The following FAM219B variants were observed in gnomAD, a reference collection of about 807,000 sequenced individuals.
FAM219B encodes family with sequence similarity 219 member B, also known as protein FAM219B.
Under a neutral mutation model 19.9 loss-of-function variants are expected in FAM219B, and 18 were observed. The ratio of observed to expected loss-of-function variants is 0.91; its 90% CI spans 0.63 to 1.34. The LOEUF is 1.34. Among genes scored for constraint, FAM219B ranks in the 40% most tolerant of loss-of-function variants. The pLI, the probability that FAM219B is intolerant of heterozygous loss-of-function variation, is 0.00. For missense variants in FAM219B, 283 were observed against 270.5 expected, an observed-to-expected ratio of 1.05 and a Z score of -0.32; for synonymous variants, 123 against 117.5, an observed-to-expected ratio of 1.05 and a Z score of -0.30.
In FAM219B at chr15:74,900,830, C is replaced by T. The variant is rs2064924707; in HGVS notation, c.*1789G>A. ...TATCTCTCTGCTGTGATGCTCCTAG[C>T]TAGTAGAGTAAGTCAGCCCCCAGAT... On this transcript the variant is annotated 3_prime_UTR_variant, in exon 5 of 5. Transcript: ENST00000357635. 1 of 152,200 alleles carries T rather than the reference C, an allele frequency of 6.6e-6. No homozygotes were observed. The highest frequency in any genetic ancestry group is 6.5e-5 in the Admixed American group (1 of 15,274). 9.4% of individuals were successfully genotyped at this position (152,200 alleles called of 1,614,324 possible).
chr15:74,901,387 G>A lies in FAM219B; in HGVS notation c.*1232C>T, dbSNP rs2064952497. On this transcript the variant is annotated 3_prime_UTR_variant, in exon 5 of 5. Coordinates refer to ENST00000357635, the MANE Select transcript of FAM219B (RefSeq NM_020447.5). Reference sequence around the variant, plus strand: ...TATAGCAAGATATACTCTCCAATTTGTGGGTAGGGGGTGTCACAGCAGAAA... The same window carrying A: ...TATAGCAAGATATACTCTCCAATTTATGGGTAGGGGGTGTCACAGCAGAAA... The A allele has an allele frequency of 6.6e-6, 1 of 152,198 alleles. No individual in the cohort carries two copies. Among genetic ancestry groups the A allele is most frequent in the South Asian group, 2.1e-4 (1 of 4,834 alleles). 9.4% of individuals were successfully genotyped at this position (152,198 alleles called of 1,614,324 possible). A position where few individuals can be genotyped will look rare whatever the true frequency, so the allele number is the denominator to read the frequency against.
Position 74,901,975 on chromosome 15 carries a change from G to A in FAM219B, c.*644C>T, listed in dbSNP as rs1027502490. 3 of 397,068 alleles carry A rather than the reference G, an allele frequency of 7.6e-6. No individual in the cohort carries two copies. Among genetic ancestry groups the A allele is most frequent in the African/African-American group, 6.2e-5 (3 of 48,746 alleles). The allele number at this position is 397,068 out of a possible 1,614,324, so 24.6% of individuals were successfully genotyped here. ...CCGGACGGTTGGACCAGTTGGGGATGCCCCAGGTCCAGGGATTCTGGAAGC... is the reference window on the plus strand; with the variant it reads ...CCGGACGGTTGGACCAGTTGGGGATACCCCAGGTCCAGGGATTCTGGAAGC... On this transcript the variant is annotated 3_prime_UTR_variant, in exon 5 of 5. Transcript: ENST00000357635.
intron 4 of FAM219B, among the ~76,000 whole-genome samples, chr15:74,903,600 CAAAAAA>C (rs60354993): frequency 2.2e-5 from 1 of 46,138 alleles, no homozygotes; most frequent in African/African-American, 7.6e-5. Flanking sequence ...GACTCTGTCT[CAAAAAA>C]AAAAAAAAAA....
In FAM219B at chr15:74,902,718, G is replaced by C. The variant is rs552779646; in HGVS notation, c.498C>G (p.Asp166Glu). Reference protein sequence around the residue: ...DGYHLDEIPDDEDLDLIPPKP... With the variant: ...DGYHLDEIPDEEDLDLIPPKP... ...TAGGGGGGATGAGGTCCAAGTCCTC[G>C]TCATCTGGAATCTCATCCAGGTGAT... is the stretch of plus-strand genomic sequence containing the variant. The change falls in exon 5 of 5, where the codon GAC (aspartate) becomes GAG (glutamate). Residue 166 changes from aspartate to glutamate, a missense_variant. Transcript: ENST00000357635. The C allele has an allele frequency of 5.0e-6, 8 of 1,612,816 alleles. No individual in the cohort carries two copies. The highest frequency in any genetic ancestry group is 1.6e-4 in the Middle Eastern group (1 of 6,082).
chr15:74,906,442 TC>T, intron 1 of FAM219B, 77 bp from the exon 2 acceptor site: 1 of 1,550,392 alleles, frequency 6.4e-7, no homozygotes, highest in Non-Finnish European at 8.7e-7. Flanking sequence ...GGCCGCTCTT[TC>T]CGAACGGATT....
rs2064944564 is a variant in FAM219B at position 74,901,243 on chromosome 15, G to C, written c.*1376C>G. 1 of 152,370 alleles carries C rather than the reference G, an allele frequency of 6.6e-6. No individual in the cohort carries two copies. The highest frequency in any genetic ancestry group is 1.5e-5 in the Non-Finnish European group (1 of 68,208). 9.4% of individuals were successfully genotyped at this position (152,370 alleles called of 1,614,324 possible). A position where few individuals can be genotyped will look rare whatever the true frequency, so the allele number is the denominator to read the frequency against. ...TGATTACACCACTGCACTCCAGCCT[G>C]GGTGACAGAGACCCTGTCTCCAACA... On this transcript the variant is annotated 3_prime_UTR_variant, in exon 5 of 5. Coordinates refer to ENST00000357635, the MANE Select transcript of FAM219B (RefSeq NM_020447.5).
At chr15:74,899,805 G>A (rs2064881084), downstream of FAM219B, 1 of 152,178 alleles carries the variant, frequency 6.6e-6, no homozygotes, top group Non-Finnish European at 1.5e-5. Flanking sequence ...TGTATTTTTA[G>A]TAGAGACGGG....
At chr15:74,905,004 A>C in intron 3 of FAM219B, 150 bp downstream of exon 3, 3 of 1,547,530 alleles carry the variant, frequency 1.9e-6, no homozygotes, top group Non-Finnish European at 2.6e-6. Context: ...TAACCAAGCC[A>C]TCCTGGGAAG....
At chr15:74,903,502 G>A (rs975842579) in intron 4 of FAM219B, among the ~76,000 whole-genome samples, 1 of 150,268 alleles carries the variant, frequency 6.7e-6, no homozygotes, top group Non-Finnish European at 1.5e-5. Context: ...TCGGGAGGCT[G>A]AGGCAGGAGA....
chr15:74,904,569 G>T, intron 4 of FAM219B, 95 bp downstream of exon 4: 2 of 1,417,316 alleles, frequency 1.4e-6, no homozygotes, highest in Non-Finnish European at 2.0e-6. Context: ...GTCTGGCACA[G>T]TGCTGTGCTC....
rs1161226246 is a variant in FAM219B, at chr15:74,901,775, A to G, written c.*844T>C. The G allele has an allele frequency of 3.3e-5, 8 of 242,612 alleles. No homozygotes were observed. The highest frequency in any genetic ancestry group is 1.3e-4 in the African/African-American group (6 of 45,046). 15.0% of individuals were successfully genotyped at this position (242,612 alleles called of 1,614,324 possible). A position where few individuals can be genotyped will look rare whatever the true frequency, so the allele number is the denominator to read the frequency against. On this transcript the variant is annotated 3_prime_UTR_variant, in exon 5 of 5. Coordinates refer to ENST00000357635, the MANE Select transcript of FAM219B (RefSeq NM_020447.5). ...CTCCCTGTAGCTCCCTCTGCTGGTA[A>G]TAATAAAAACTGCAGGCTTCTGGGG...
intron 2 of FAM219B, chr15:74,906,046 T>C (rs1454319022): frequency 5.6e-6 from 3 of 531,300 alleles, no homozygotes; most frequent in South Asian, 2.4e-5. Context: ...TGATAGTGAA[T>C]GAGCCTGTGC....
chr15:74,898,303 T>C (rs1411397308), downstream of FAM219B: 2 of 181,780 alleles, frequency 1.1e-5, no homozygotes, highest in Non-Finnish European at 2.4e-5. Context: ...CCCTACATGA[T>C]GCCCCAGTTT....
chr15:74,904,711 C>G lies in FAM219B; in HGVS notation c.382G>C (p.Asp128His). The change falls in exon 4 of 5, where the codon GAT (aspartate) becomes CAT (histidine). Residue 128 changes from aspartate (D) to histidine (H), a missense_variant and splice_region_variant. By Grantham distance (81) the Asp-to-His change is moderately conservative. Transcript: ENST00000357635. ...GAGTATCTGGATCCCAGCTCCCCATCACTAGGAGAAGAGGAAAACAGTCAG... is the reference window on the plus strand; with the variant it reads ...GAGTATCTGGATCCCAGCTCCCCATGACTAGGAGAAGAGGAAAACAGTCAG... ...ENLVSLDSDS[D>H]GELGSRYSSG... The G allele has an allele frequency of 6.2e-7, 1 of 1,614,226 alleles. No individual in the cohort carries two copies.
At chr15:74,904,577 C>A (rs2065106578) in intron 4 of FAM219B, 87 bp downstream of exon 4, 1 of 1,476,176 alleles carries the variant, frequency 6.8e-7, no homozygotes, top group Non-Finnish European at 9.5e-7. Flanking sequence ...CAGTGCTGTG[C>A]TCACAGCGGG....
intron 2 of FAM219B, 78 bp from the exon 3 acceptor site, chr15:74,905,309 C>T (rs2065142362): frequency 2.1e-6 from 3 of 1,430,048 alleles, no homozygotes; most frequent in African/African-American, 1.4e-5. Context: ...GAGTCCTCGC[C>T]CTGAAGGAGA....
chr15:74,902,299 A>C lies in FAM219B; in HGVS notation c.*320T>G. 1 of 402,090 alleles carries C rather than the reference A, an allele frequency of 2.5e-6. No individual in the cohort carries two copies. Among genetic ancestry groups the C allele is most frequent in the East Asian group, 3.6e-5 (1 of 28,162 alleles). The allele number at this position is 402,090 out of a possible 1,614,324, so 24.9% of individuals were successfully genotyped here. On this transcript the variant is annotated 3_prime_UTR_variant, in exon 5 of 5. Transcript: ENST00000357635. ...TTTGCCTCCCTGAAGCACTATGACAAATACCAATCAAGCTGTCTGCAAGTG... is the reference window on the plus strand; with the variant it reads ...TTTGCCTCCCTGAAGCACTATGACACATACCAATCAAGCTGTCTGCAAGTG...
In FAM219B at chr15:74,906,830, A is replaced by G. The variant is rs1249046367; in HGVS notation, c.-30T>C. 2 of 1,245,110 alleles carry G rather than the reference A, an allele frequency of 1.6e-6. No individual in the cohort carries two copies. Among genetic ancestry groups the G allele is most frequent in the Non-Finnish European group, 2.0e-6 (2 of 995,772 alleles). The allele number at this position is 1,245,110 out of a possible 1,614,324, so 77.1% of individuals were successfully genotyped here. On this transcript the variant is annotated 5_prime_UTR_variant, in exon 1 of 5. Coordinates refer to ENST00000357635, the MANE Select transcript of FAM219B (RefSeq NM_020447.5). ...GGGCCCCGCCCTGCCGGATGGTGCAACCCCGCCCGTGGCGAAAGAGTGACC... is the reference window on the plus strand; with the variant it reads ...GGGCCCCGCCCTGCCGGATGGTGCAGCCCCGCCCGTGGCGAAAGAGTGACC...
At chr15:74,902,906 C>T (rs1595838188) in intron 4 of FAM219B, 120 bp from the exon 5 acceptor site, 2 of 1,038,822 alleles carry the variant, frequency 1.9e-6, no homozygotes, top group Admixed American at 2.6e-5. Context: ...CCCAGGCCAA[C>T]CCCACACATC....
Sources: allele counts gnomAD v4.1 joint callset (sites outside exome capture counted in the v4.1 genomes callset), GRCh38; gene constraint gnomAD v4.1.1; transcripts MANE v1.5; gene names NCBI Gene and HGNC (gene_info 2026-07-23, HGNC 2026-07-21).